Variants in ZNF100 observed in about 807,000 individuals in gnomAD.
The protein encoded by ZNF100 is zinc finger protein 100.
ZNF100 carries 12 observed loss-of-function variants against 15.8 expected under a neutral mutation model. That is an observed-to-expected ratio of 0.76 (90% CI 0.49 to 1.23). ZNF100 has a LOEUF of 1.23. Ranked by LOEUF, ZNF100 falls within the 50% of genes most tolerant of loss-of-function variation. The pLI, the probability that ZNF100 is intolerant of heterozygous loss-of-function variation, is 0.00. For missense variants in ZNF100, 670 were observed against 635.6 expected, an observed-to-expected ratio of 1.05 and a Z score of -0.58; for synonymous variants, 226 against 214.8, an observed-to-expected ratio of 1.05 and a Z score of -0.45.
At chr19:21,762,738 AG>A (rs2036501744) in intron 2 of ZNF100, among the ~76,000 whole-genome samples, 1 of 152,218 alleles carries the variant, frequency 6.6e-6, no homozygotes, top group South Asian at 2.1e-4. Flanking sequence ...AAAATGTCAG[AG>A]GCATATTGAA....
intron 4 of ZNF100, among the ~76,000 whole-genome samples, chr19:21,737,212 C>T (rs1340166026): frequency 1.3e-5 from 2 of 151,898 alleles, no homozygotes; most frequent in African/African-American, 2.4e-5. Flanking sequence ...AAGCAGATAT[C>T]AGCACTGACC....
At chr19:21,760,655 T>C (rs2036467789) in intron 2 of ZNF100, among the ~76,000 whole-genome samples, 1 of 151,984 alleles carries the variant, frequency 6.6e-6, no homozygotes, top group Non-Finnish European at 1.5e-5. Flanking sequence ...CTTCAAAAGA[T>C]GATTTGTAGT....
chr19:21,767,393 C>T lies in ZNF100; in HGVS notation c.3+34G>A, dbSNP rs761212477. On this transcript the variant is annotated intron_variant, in intron 1 of 4. Coordinates refer to ENST00000358296, the MANE Select transcript of ZNF100 (RefSeq NM_173531.4). The stretch of plus-strand genomic sequence containing the variant: ...CCACCAGTTCCAACCAGCCCTTTCG[C>T]CGTCTCTCGGGATGTCGGACCGGGC... The T allele has an allele frequency of 2.5e-6, 4 of 1,614,078 alleles. No homozygotes were observed. The South Asian group carries it at 4.4e-5, about 18-fold the overall frequency.
intron 2 of ZNF100, among the ~76,000 whole-genome samples, chr19:21,749,986 C>A (rs1176138625): frequency 6.6e-6 from 1 of 151,556 alleles, no homozygotes; most frequent in African/African-American, 2.4e-5. Flanking sequence ...AGACTACAAT[C>A]AAAGGAGAGC....
At chr19:21,756,468 AAC>A (rs1330650332) in intron 2 of ZNF100, among the ~76,000 whole-genome samples, 2 of 148,144 alleles carry the variant, frequency 1.4e-5, no homozygotes, top group Non-Finnish European at 3.0e-5. Flanking sequence ...CCAAATCAAA[AAC>A]ATAATGCCAT....
Position 21,727,818 on chromosome 19 carries a change from A to C in ZNF100, c.494T>G (p.Leu165Ter), listed in dbSNP as rs1014060024. 1.2e-6 allele frequency: 2 copies of C among 1,613,186 alleles called. No homozygotes were observed. Among genetic ancestry groups the C allele is most frequent in the Non-Finnish European group, 1.7e-6 (2 of 1,179,752 alleles). The part of the protein sequence containing the change: ...CKVHKEHDNK[L>*]NQCLITTQSN... ...CTGGGTAGTTATCAAACACTGGTTT[A>C]ATTTGTTATCATGTTCTTTGTGCAC... The change falls in exon 5 of 5, where the codon TTA becomes TGA. Residue 165 changes from leucine (L) to a stop codon, truncating the protein, a stop_gained. Coordinates refer to ENST00000358296, the MANE Select transcript of ZNF100 (RefSeq NM_173531.4). LOFTEE classifies it low-confidence loss of function (END_TRUNC).
rs529042308 is a variant in ZNF100, at chr19:21,763,418, C to A, written c.96+2276G>T. ...CATCCTGGCTAACATGGTGAAACCC[C>A]GTCTCTACTAAAAACACAAAAATTA... On this transcript the variant is annotated intron_variant, in intron 2 of 4. Transcript: ENST00000358296. Among the ~76,000 whole-genome samples the A allele has an allele frequency of 3.8e-4, 58 of 152,198 alleles. No individual in the cohort carries two copies. The East Asian group carries it at 0.011, about 29-fold the overall frequency.
intron 2 of ZNF100, chr19:21,752,079 A>G (rs1038560093): frequency 9.1e-6 from 2 of 219,768 alleles, no homozygotes; most frequent in Non-Finnish European, 1.8e-5. Context: ...TACTCCATAG[A>G]AAAGAATGGG....
At chr19:21,762,814 C>T (rs1386962905) in intron 2 of ZNF100, among the ~76,000 whole-genome samples, 1 of 152,152 alleles carries the variant, frequency 6.6e-6, no homozygotes, top group Non-Finnish European at 1.5e-5. Context: ...GGCCTGCATT[C>T]CCAGATAGTT....
At chr19:21,743,420 C>T (rs1244967044) in intron 4 of ZNF100, among the ~76,000 whole-genome samples, 3 of 152,006 alleles carry the variant, frequency 2.0e-5, no homozygotes, top group Non-Finnish European at 4.4e-5. Context: ...ATAAAAAATA[C>T]AATTCTAAAA....
In ZNF100 at chr19:21,726,915, A is replaced by G. The variant is rs1338475644; in HGVS notation, c.1397T>C (p.Phe466Ser). ...PYKCDECGKA[F>S]NRSSQLTAHK... ...TGCAGTTAGTTGTGAGGACCGGTTA[A>G]AGGCTTTGCCACATTCGTCACATTT... Residue 466 changes from phenylalanine (F) to serine (S), a missense_variant, in exon 5 of 5, where the codon TTT (phenylalanine) becomes TCT (serine). Phe to Ser is a radical substitution (Grantham distance 155). Transcript: ENST00000358296. The G allele has an allele frequency of 6.2e-7, 1 of 1,611,972 alleles. No individual in the cohort carries two copies. Among genetic ancestry groups the G allele is most frequent in the Non-Finnish European group, 8.5e-7 (1 of 1,179,340 alleles).
At chr19:21,734,140 C>G (rs964953922) in intron 4 of ZNF100, among the ~76,000 whole-genome samples, 3 of 152,176 alleles carry the variant, frequency 2.0e-5, no homozygotes, top group African/African-American at 4.8e-5. Flanking sequence ...AACTCAAAAA[C>G]CCAGAGTGTC....
At chr19:21,745,978 T>G (rs1331651528) in intron 2 of ZNF100, among the ~76,000 whole-genome samples, 1 of 152,148 alleles carries the variant, frequency 6.6e-6, no homozygotes, top group East Asian at 1.9e-4. Flanking sequence ...GACAGCTACA[T>G]GCAAAGAAAA....
intron 2 of ZNF100, among the ~76,000 whole-genome samples, chr19:21,764,074 C>G (rs551488688): frequency 8.5e-5 from 13 of 152,298 alleles, no homozygotes; most frequent in African/African-American, 2.9e-4. Context: ...TGTAGCTTCT[C>G]TCAGCAGATA....
At chr19:21,766,938 G>A (rs2145754507) in intron 1 of ZNF100, among the ~76,000 whole-genome samples, 1 of 152,350 alleles carries the variant, frequency 6.6e-6, no homozygotes, top group African/African-American at 2.4e-5. Context: ...AGGTTGCAGT[G>A]AGGGGAGATC....
At chr19:21,737,516 C>T (rs1263866544) in intron 4 of ZNF100, among the ~76,000 whole-genome samples, 1 of 137,434 alleles carries the variant, frequency 7.3e-6, no homozygotes, top group Non-Finnish European at 1.6e-5. Context: ...GCCTGGGGGA[C>T]AAGAGTGAGA....
Position 21,727,887 on chromosome 19 carries a change from T to C in ZNF100, c.425A>G (p.Asn142Ser), listed in dbSNP as rs554699989. 47 of 1,609,184 alleles carry C rather than the reference T, an allele frequency of 2.9e-5. 1 individual carries two copies. In the South Asian group the frequency reaches 4.7e-4, roughly 16 times the overall value. Residue 142 changes from asparagine to serine, a missense_variant, in exon 5 of 5, where the codon AAT becomes AGT. Asn to Ser is a conservative substitution (Grantham distance 46). Coordinates refer to ENST00000358296, the MANE Select transcript of ZNF100 (RefSeq NM_173531.4). The stretch of plus-strand genomic sequence containing the variant: ...TTTACAGCCTTTTTGTAACTGTAAA[T>C]TGTCATGTCCATATTTTCCATATTT... Reference protein sequence around the residue: ...LKKYGKYGHDNLQLQKGCKSV... With the variant: ...LKKYGKYGHDSLQLQKGCKSV...
chr19:21,727,337 A>C lies in ZNF100; in HGVS notation c.975T>G (p.Ala325=). 6.2e-7 allele frequency: 1 copy of C among 1,606,934 alleles called. No homozygotes were observed. Among genetic ancestry groups the C allele is most frequent in the Non-Finnish European group, 8.5e-7 (1 of 1,177,562 alleles). Residue 325 remains alanine, a synonymous_variant, in exon 5 of 5, where the codon GCT becomes GCG. Transcript: ENST00000358296. ...TAGTAAGGTGTGAGGACCGGTTAAA[A>C]GCTTTGCCACATTCTGTACATTTGT... is the stretch of plus-strand genomic sequence containing the variant. ...KPYKCTECGK[A]FNRSSHLTTH... is the part of the protein sequence containing the mutation.
rs546263430 is a variant in ZNF100, at chr19:21,727,804, T to C, written c.508A>G (p.Ile170Val). 1.9e-5 allele frequency: 30 copies of C among 1,613,422 alleles called. No homozygotes were observed. In the Middle Eastern group the frequency reaches 9.9e-4, roughly 53 times the overall value. Residue 170 changes from isoleucine (I) to valine (V), a missense_variant, in exon 5 of 5, where the codon ATA becomes GTA. Coordinates refer to ENST00000358296, the MANE Select transcript of ZNF100 (RefSeq NM_173531.4). The stretch of plus-strand genomic sequence containing the variant: ...TGAAATATGTTGCTCTGGGTAGTTA[T>C]CAAACACTGGTTTAATTTGTTATCA... ...EHDNKLNQCL[I>V]TTQSNIFQCD...
Sources: gnomAD v4.1 joint callset for allele counts (sites outside exome capture counted in the v4.1 genomes callset) on GRCh38, gnomAD v4.1.1 for gene constraint, MANE v1.5 for transcripts, NCBI Gene and HGNC (gene_info 2026-07-23, HGNC 2026-07-21) for gene names.